SERPINB7: variants seen among roughly 807,000 people sequenced by gnomAD.
The protein encoded by SERPINB7 is serpin B7.
A neutral mutation model predicts 37.4 loss-of-function variants in SERPINB7; 31 were observed. The observed-to-expected ratio is 0.83, with a 90% CI of 0.62 to 1.12. The LOEUF (loss-of-function observed/expected upper bound fraction) is 1.12, where lower values mean the gene tolerates loss of function less well. SERPINB7 is among the 50% of genes most tolerant of loss of function. SERPINB7 has a pLI of 0.00. For missense variants in SERPINB7, 521 were observed against 455.3 expected (o/e 1.14, Z -1.31); for synonymous variants, 163 against 166.1 (o/e 0.98, Z 0.14).
intron 1 of SERPINB7, among the ~76,000 whole-genome samples, chr18:63,761,606 A>G (rs1054707637): frequency 6.6e-6 from 1 of 152,152 alleles, no homozygotes; most frequent in Admixed American, 6.5e-5. Flanking sequence ...GAATTCCCAC[A>G]TGTTGTGGGA....
intron 2 of SERPINB7, among the ~76,000 whole-genome samples, chr18:63,784,588 T>A (rs2049345985): frequency 6.6e-6 from 1 of 152,160 alleles, no homozygotes; most frequent in South Asian, 2.1e-4. Flanking sequence ...TGCATAATGT[T>A]TCAGAACCAA....
intron 2 of SERPINB7, among the ~76,000 whole-genome samples, chr18:63,788,661 C>A (rs911474741): frequency 6.6e-5 from 10 of 152,166 alleles, no homozygotes; most frequent in African/African-American, 2.4e-4. Flanking sequence ...GCTGACTCAC[C>A]CAGTGCCACT....
chr18:63,766,471 T>C (rs2049181179), intron 1 of SERPINB7, among the ~76,000 whole-genome samples: 1 of 152,150 alleles, frequency 6.6e-6, no homozygotes, highest in Non-Finnish European at 1.5e-5. Context: ...AAGCATTCAA[T>C]AAATTGTTCG....
intron 7 of SERPINB7, among the ~76,000 whole-genome samples, chr18:63,803,702 C>T (rs1204861187): frequency 6.6e-6 from 1 of 152,208 alleles, no homozygotes; most frequent in East Asian, 1.9e-4. Context: ...ATTCAAGCTT[C>T]CCAGACAGTA....
intron 1 of SERPINB7, among the ~76,000 whole-genome samples, chr18:63,760,435 C>G (rs762945442): frequency 2.0e-5 from 3 of 151,708 alleles, no homozygotes; most frequent in Non-Finnish European, 2.9e-5. Context: ...TGCAGCCTGA[C>G]TATGTGATAG....
chr18:63,759,356 A>T (rs535011119), intron 1 of SERPINB7, among the ~76,000 whole-genome samples: 96 of 152,284 alleles, frequency 6.3e-4, no homozygotes, highest in African/African-American at 2.3e-3. Flanking sequence ...GACAATTGGA[A>T]AATAATGTCT....
At chr18:63,771,638 G>A (rs368397646), upstream of SERPINB7, among the ~76,000 whole-genome samples, 14 of 151,996 alleles carry the variant, frequency 9.2e-5, no homozygotes, top group East Asian at 3.9e-4. Context: ...GGGTTCGCAC[G>A]GGTTGGAAAT....
chr18:63,770,477 A>G (rs1168227092), upstream of SERPINB7, among the ~76,000 whole-genome samples: 14 of 151,894 alleles, frequency 9.2e-5, no homozygotes, highest in African/African-American at 2.2e-4. Flanking sequence ...TGTGCTTTTC[A>G]TATCTTGACC....
intron 1 of SERPINB7, among the ~76,000 whole-genome samples, chr18:63,755,761 G>A (rs1033450971): frequency 8.6e-5 from 13 of 151,882 alleles, no homozygotes; most frequent in Non-Finnish European, 8.8e-5. Context: ...AGATATGGTG[G>A]TGTATACTTG....
chr18:63,786,781 C>T (rs890691089), intron 2 of SERPINB7, among the ~76,000 whole-genome samples: 1 of 149,182 alleles, frequency 6.7e-6, no homozygotes, highest in African/African-American at 2.6e-5. Flanking sequence ...AAGTATAGCA[C>T]ACTTTGTATT....
rs564536870 is a variant in SERPINB7, at chr18:63,791,484, A to G, written c.169-909A>G. Among the ~76,000 whole-genome samples, 115 of 152,322 alleles carry G rather than the reference A, an allele frequency of 7.5e-4. 1 individual carries two copies. The highest frequency in any genetic ancestry group is 2.7e-3 in the African/African-American group (111 of 41,590). On this transcript the variant is annotated intron_variant, in intron 2 of 7. Transcript: ENST00000398019. ...AAATCTGGTAGGTAAAACTTAACAA[A>G]TATTAAATTAACACATGAATTGATG...
At chr18:63,772,722 A>T (rs1166088551), upstream of SERPINB7, among the ~76,000 whole-genome samples, 1 of 152,106 alleles carries the variant, frequency 6.6e-6, no homozygotes, top group African/African-American at 2.4e-5. Flanking sequence ...GTTTAACTAG[A>T]AAAGGTAGCA....
chr18:63,771,284 G>A (rs554171747), upstream of SERPINB7, among the ~76,000 whole-genome samples: 2 of 152,064 alleles, frequency 1.3e-5, no homozygotes, highest in Non-Finnish European at 2.9e-5. Context: ...GAAATCCTTA[G>A]GGAGGTCTCT....
chr18:63,780,631 C>A (rs2049292270), intron 1 of SERPINB7, among the ~76,000 whole-genome samples: 1 of 152,176 alleles, frequency 6.6e-6, no homozygotes, highest in Non-Finnish European at 1.5e-5. Flanking sequence ...ATAAAATCAA[C>A]ATACATTTTT....
At chr18:63,770,041 T>A (rs529131478) in intron 1 of SERPINB7, among the ~76,000 whole-genome samples, 296 of 148,730 alleles carry the variant, frequency 2.0e-3, no homozygotes, top group African/African-American at 6.9e-3. Context: ...GGCAGGACAT[T>A]GCCGCTTCTG....
intron 1 of SERPINB7, among the ~76,000 whole-genome samples, chr18:63,754,674 C>T (rs1290390854): frequency 2.0e-5 from 3 of 152,262 alleles, no homozygotes; most frequent in East Asian, 1.9e-4. Flanking sequence ...CTCTCTCCTT[C>T]CCTCTGCCAG....
At chr18:63,783,238 GAAAGAAAGAAAGAAAGAAAGAAAGAA>G (rs2049329138) in intron 2 of SERPINB7, among the ~76,000 whole-genome samples, 1 of 83,272 alleles carries the variant, frequency 1.2e-5, no homozygotes, top group Non-Finnish European at 2.7e-5. Flanking sequence ...GAGAGAGAAA[GAAAGAAAGAAAGAAAGAAAGAAAGAA>G]AGAAAGAAAG....
At chr18:63,786,207 CGT>C (rs1166790134) in intron 2 of SERPINB7, among the ~76,000 whole-genome samples, 2 of 84,280 alleles carry the variant, frequency 2.4e-5, no homozygotes, top group Non-Finnish European at 2.0e-5. Context: ...ATGGCACATA[CGT>C]GTATATATAT....
upstream of SERPINB7, among the ~76,000 whole-genome samples, chr18:63,772,323 T>C (rs1435656828): frequency 6.6e-6 from 1 of 152,056 alleles, no homozygotes; most frequent in Non-Finnish European, 1.5e-5. Context: ...AAAGTGAGGA[T>C]TTAAGCATCA....
Sources: allele counts gnomAD v4.1 joint callset (sites outside exome capture counted in the v4.1 genomes callset), GRCh38; gene constraint gnomAD v4.1.1; transcripts MANE v1.5; gene names NCBI Gene and HGNC (gene_info 2026-07-23, HGNC 2026-07-21).